Variants in ERBB4 observed in about 807,000 individuals in gnomAD.
ERBB4 encodes the protein receptor tyrosine-protein kinase erbB-4.
A neutral mutation model predicts 158.0 loss-of-function variants in ERBB4; 42 were observed. That is an observed-to-expected ratio of 0.27 (90% CI 0.21 to 0.34). The LOEUF (loss-of-function observed/expected upper bound fraction) is 0.34. ERBB4 is among the 10% of genes least tolerant of loss of function. The probability of loss-of-function intolerance (pLI) is 1.00; values close to 1 mark genes in which losing one functional copy is unlikely to be tolerated. For missense variants in ERBB4, 1,333 were observed against 1,624.1 expected, an observed-to-expected ratio of 0.82 and a Z score of 3.08; for synonymous variants, 583 against 558.7, an observed-to-expected ratio of 1.04 and a Z score of -0.61.
At chr2:212,453,657 T>C (rs931282650) in intron 1 of ERBB4, among the ~76,000 whole-genome samples, 2 of 152,180 alleles carry the variant, frequency 1.3e-5, no homozygotes, top group Non-Finnish European at 2.9e-5. Context: ...CATATGATTA[T>C]TACACCAGGG....
At chr2:212,316,599 C>A (rs1350118915) in intron 1 of ERBB4, among the ~76,000 whole-genome samples, 4 of 151,422 alleles carry the variant, frequency 2.6e-5, no homozygotes, top group African/African-American at 9.7e-5. Flanking sequence ...CAGTATTGCA[C>A]CCAGATAGTC....
intron 1 of ERBB4, among the ~76,000 whole-genome samples, chr2:212,418,924 T>G (rs906986201): frequency 2.0e-5 from 3 of 151,878 alleles, no homozygotes; most frequent in Middle Eastern, 6.3e-3. Flanking sequence ...ATAATTAAGT[T>G]TATTAAATAC....
At chr2:212,311,024 C>T (rs1271716282) in intron 1 of ERBB4, among the ~76,000 whole-genome samples, 2 of 150,590 alleles carry the variant, frequency 1.3e-5, no homozygotes, top group African/African-American at 4.9e-5. Context: ...TTCAAGTGCT[C>T]GATAGTCACA....
intron 1 of ERBB4, among the ~76,000 whole-genome samples, chr2:212,149,228 T>C (rs529880849): frequency 6.6e-6 from 1 of 152,278 alleles, no homozygotes; most frequent in South Asian, 2.1e-4. Flanking sequence ...TTTGGAAAAG[T>C]AATTTATGAT....
chr2:211,792,157 T>C (rs1388034930), intron 3 of ERBB4, among the ~76,000 whole-genome samples: 1 of 151,740 alleles, frequency 6.6e-6, no homozygotes, highest in Non-Finnish European at 1.5e-5. Context: ...TAGTTCCTAA[T>C]TTTAAATTAT....
chr2:211,750,254 T>C (rs182426945), intron 5 of ERBB4, among the ~76,000 whole-genome samples: 6 of 152,314 alleles, frequency 3.9e-5, no homozygotes, highest in African/African-American at 1.2e-4. Flanking sequence ...TTCTTTCCTC[T>C]CCTTTTGTAA....
intron 2 of ERBB4, among the ~76,000 whole-genome samples, chr2:212,032,668 A>G (rs1476896160): frequency 2.0e-5 from 3 of 152,022 alleles, no homozygotes; most frequent in Non-Finnish European, 1.5e-5. Flanking sequence ...AAATATACAT[A>G]GGAAATAAAG....
chr2:211,889,447 G>GA (rs1380678729), intron 3 of ERBB4, among the ~76,000 whole-genome samples: 1 of 150,326 alleles, frequency 6.7e-6, no homozygotes, highest in Non-Finnish European at 1.5e-5. Flanking sequence ...CAAAGATGGG[G>GA]AAAAAACAGA....
intron 5 of ERBB4, among the ~76,000 whole-genome samples, chr2:211,733,570 C>G (rs373142013): frequency 1.3e-5 from 2 of 150,050 alleles, no homozygotes; most frequent in Admixed American, 6.6e-5. Context: ...TATCATAGAT[C>G]TTTCATAAAC....
intron 1 of ERBB4, among the ~76,000 whole-genome samples, chr2:212,258,399 C>T (rs1332622085): frequency 2.0e-5 from 3 of 151,396 alleles, no homozygotes; most frequent in African/African-American, 2.4e-5. Context: ...ACAACAATAA[C>T]GAAAAATACC....
At chr2:212,073,536 G>A (rs774026447) in intron 2 of ERBB4, among the ~76,000 whole-genome samples, 4 of 151,912 alleles carry the variant, frequency 2.6e-5, no homozygotes, top group Non-Finnish European at 5.9e-5. Context: ...TCACCCTGCA[G>A]GGAGTGAGTC....
chr2:211,426,576 T>A (rs2063632418), intron 22 of ERBB4, among the ~76,000 whole-genome samples: 1 of 152,034 alleles, frequency 6.6e-6, no homozygotes, highest in South Asian at 2.1e-4. Context: ...TGAAGAAAAA[T>A]GTTACACCCT....
At chr2:211,990,147 A>G (rs1226460352) in intron 2 of ERBB4, among the ~76,000 whole-genome samples, 1 of 152,060 alleles carries the variant, frequency 6.6e-6, no homozygotes, top group African/African-American at 2.4e-5. Context: ...CCTATCATGA[A>G]TTAAACAATT....
chr2:211,881,176 A>G (rs945997176), intron 3 of ERBB4, among the ~76,000 whole-genome samples: 2 of 152,206 alleles, frequency 1.3e-5, no homozygotes, highest in Non-Finnish European at 2.9e-5. Flanking sequence ...CAAAGCACAT[A>G]AAAGCAATGG....
intron 3 of ERBB4, among the ~76,000 whole-genome samples, chr2:211,899,757 A>C (rs1312497698): frequency 6.6e-6 from 1 of 152,152 alleles, no homozygotes; most frequent in East Asian, 1.9e-4. Flanking sequence ...GCTTGCCACT[A>C]ATCATCACTT....
At chr2:211,704,256 T>G (rs563434423) in intron 10 of ERBB4, 62 bp from the exon 11 acceptor site, 220 of 1,043,270 alleles carry the variant, frequency 2.1e-4, no homozygotes, top group Non-Finnish European at 3.0e-4. Context: ...AGTGCTGATT[T>G]TTCTTGAAAT....
At chr2:211,779,480 T>C (rs2075981161) in intron 4 of ERBB4, 1 of 152,214 alleles carries the variant, frequency 6.6e-6, no homozygotes, top group Non-Finnish European at 1.5e-5. Flanking sequence ...CACCATTATA[T>C]TCATAGGTGT....
At chr2:212,365,662 C>G (rs950625817) in intron 1 of ERBB4, among the ~76,000 whole-genome samples, 1 of 151,734 alleles carries the variant, frequency 6.6e-6, no homozygotes, top group Non-Finnish European at 1.5e-5. Context: ...TTTGATAAGT[C>G]AGTAAATCTG....
chr2:211,527,331 A>G (rs756834440), intron 20 of ERBB4, among the ~76,000 whole-genome samples: 2 of 152,154 alleles, frequency 1.3e-5, no homozygotes, highest in Non-Finnish European at 2.9e-5. Context: ...CTTTTAGCCT[A>G]GAATAGTATA....
Sources: allele counts gnomAD v4.1 joint callset (sites outside exome capture counted in the v4.1 genomes callset), GRCh38; gene constraint gnomAD v4.1.1; transcripts MANE v1.5; gene names NCBI Gene and HGNC (gene_info 2026-07-23, HGNC 2026-07-21).